HPSE2: variants seen among roughly 807,000 people sequenced by gnomAD.
HPSE2 encodes inactive heparanase-2.
HPSE2 carries 38 observed loss-of-function variants against 60.5 expected under a neutral mutation model. The ratio of observed to expected loss-of-function variants is 0.63; its 90% CI spans 0.48 to 0.82. The LOEUF is 0.82. HPSE2 is among the 40% of genes least tolerant of loss of function. The pLI is 0.00. For synonymous variants in HPSE2, 295 were observed against 293.2 expected (o/e 1.01, Z -0.06); for missense variants, 713 against 740.4 (o/e 0.96, Z 0.43).
intron 6 of HPSE2, among the ~76,000 whole-genome samples, chr10:98,682,673 T>A (rs569072521): frequency 9.8e-5 from 15 of 152,292 alleles, no homozygotes; most frequent in Admixed American, 8.5e-4. Context: ...TTCTACTGAA[T>A]GCATATCACT....
At chr10:99,251,206 T>G in the HPSE2 span, among the ~76,000 whole-genome samples, 1 of 152,174 alleles carries the variant, frequency 6.6e-6, no homozygotes, top group Admixed American at 6.5e-5. Context: ...CAGAGACTAT[T>G]ATGAATGCTT....
At chr10:98,477,752 C>G (rs1276558999) in intron 11 of HPSE2, among the ~76,000 whole-genome samples, 1 of 152,174 alleles carries the variant, frequency 6.6e-6, no homozygotes, top group East Asian at 1.9e-4. Context: ...TAGAGCAGGG[C>G]TCCCTAACCC....
chr10:99,112,415 GTGTTT>G (rs72389662), intron 3 of HPSE2, among the ~76,000 whole-genome samples: 78,774 of 135,430 alleles, frequency 0.58, 23,720 homozygotes, highest in South Asian at 0.74. Context: ...TTTTTTTGTT[GTGTTT>G]TGTTTTGTTT....
At chr10:99,125,173 C>T (rs1936182846) in intron 3 of HPSE2, among the ~76,000 whole-genome samples, 1 of 152,122 alleles carries the variant, frequency 6.6e-6, no homozygotes, top group African/African-American at 2.4e-5. Context: ...TCTCCTGATC[C>T]CTAATAAGGA....
intron 3 of HPSE2, among the ~76,000 whole-genome samples, chr10:99,045,004 A>G (rs1367194382): frequency 6.6e-6 from 1 of 152,110 alleles, no homozygotes; most frequent in Non-Finnish European, 1.5e-5. Context: ...GCAACACTTA[A>G]CCAATTAGAC....
intron 3 of HPSE2, among the ~76,000 whole-genome samples, chr10:98,915,884 T>C (rs1441158059): frequency 1.3e-5 from 2 of 152,224 alleles, no homozygotes; most frequent in Non-Finnish European, 2.9e-5. Flanking sequence ...GAGGAGAGTA[T>C]GGAAAGAGTG....
chr10:98,591,126 CA>C (rs5787292), intron 9 of HPSE2, among the ~76,000 whole-genome samples: 62,554 of 150,920 alleles, frequency 0.41, 12,991 homozygotes, highest in East Asian at 0.51. Flanking sequence ...AAATAGGGAT[CA>C]AAAAAAAAGA....
At chr10:98,906,567 A>T (rs1481533509) in intron 3 of HPSE2, among the ~76,000 whole-genome samples, 1 of 152,232 alleles carries the variant, frequency 6.6e-6, no homozygotes, top group Non-Finnish European at 1.5e-5. Context: ...AAAAACAGAC[A>T]GTAAAATTTA....
intron 3 of HPSE2, among the ~76,000 whole-genome samples, chr10:98,899,530 A>G (rs978328167): frequency 2.6e-5 from 4 of 152,210 alleles, no homozygotes; most frequent in Non-Finnish European, 5.9e-5. Flanking sequence ...TCACCAAAGG[A>G]ATATAGATGG....
chr10:99,314,416 G>A, the HPSE2 span, among the ~76,000 whole-genome samples: 4 of 152,144 alleles, frequency 2.6e-5, no homozygotes, highest in African/African-American at 9.7e-5. Context: ...TCCCACCTCA[G>A]CCTCCCAAAG....
rs1940207665 is a variant in HPSE2, at chr10:98,459,832, A to T, written c.1614-93T>A. On this transcript the variant is annotated intron_variant, in intron 11 of 11. Coordinates refer to ENST00000370552, the MANE Select transcript of HPSE2 (RefSeq NM_021828.5). ...GCCCCAGATGGCCTGGCAGTGTCTG[A>T]TACACACACACAGCTGACACTTATT... 5 of 1,146,542 alleles carry T rather than the reference A, an allele frequency of 4.4e-6. No homozygotes were observed. In the African/African-American group the frequency reaches 7.7e-5, roughly 18 times the overall value. 71.0% of individuals were successfully genotyped at this position (1,146,542 alleles called of 1,614,324 possible).
chr10:98,886,091 T>C (rs981229022), intron 3 of HPSE2, among the ~76,000 whole-genome samples: 3 of 152,132 alleles, frequency 2.0e-5, no homozygotes, highest in Non-Finnish European at 2.9e-5. Context: ...GAGGTATCAA[T>C]ATTAAGATAC....
chr10:99,089,472 G>T (rs1378045505), intron 3 of HPSE2, among the ~76,000 whole-genome samples: 1 of 152,070 alleles, frequency 6.6e-6, no homozygotes, highest in African/African-American at 2.4e-5. Context: ...TTGAAGATCA[G>T]TTGGCCGTTA....
intron 3 of HPSE2, among the ~76,000 whole-genome samples, chr10:98,862,969 C>G (rs576005954): frequency 1.3e-5 from 2 of 152,164 alleles, no homozygotes; most frequent in South Asian, 4.1e-4. Context: ...TTGTTATTTT[C>G]CCCAGGCTTG....
In HPSE2 at chr10:98,535,324, G is replaced by GT. The variant is rs1408708507; in HGVS notation, c.1321-45129dup. Reference sequence around the variant, plus strand: ...GGGGAGAGGCTACATATTTTTGTTTGTTTTTTTTTTAATTCTCTTCCTACC... The same window carrying GT: ...GGGGAGAGGCTACATATTTTTGTTTGTTTTTTTTTTTAATTCTCTTCCTACC... On this transcript the variant is annotated intron_variant, in intron 9 of 11. Coordinates refer to ENST00000370552, the MANE Select transcript of HPSE2 (RefSeq NM_021828.5). Among the ~76,000 whole-genome samples the GT allele has an allele frequency of 6.7e-3, 994 of 148,102 alleles. 10 individuals are homozygous for GT. Among genetic ancestry groups the GT allele is most frequent in the African/African-American group, 0.022 (889 of 40,562 alleles).
intron 3 of HPSE2, among the ~76,000 whole-genome samples, chr10:98,921,394 G>A (rs767664840): frequency 6.6e-6 from 1 of 152,144 alleles, no homozygotes; most frequent in Non-Finnish European, 1.5e-5. Context: ...AGCTATGTAC[G>A]TGGCCACACA....
At chr10:98,546,541 A>C (rs1484073741) in intron 9 of HPSE2, among the ~76,000 whole-genome samples, 10 of 151,804 alleles carry the variant, frequency 6.6e-5, no homozygotes, top group Admixed American at 2.0e-4. Context: ...CTGACAAAAA[A>C]AAGCAATGGG....
chr10:98,611,091 TG>T (rs141541978), intron 9 of HPSE2, among the ~76,000 whole-genome samples: 7,608 of 151,898 alleles, frequency 0.05, 646 homozygotes, highest in African/African-American at 0.17. Context: ...TTCCCAGTGT[TG>T]GGGGGGGCCA....
chr10:98,483,655 T>C (rs963104449), intron 10 of HPSE2, among the ~76,000 whole-genome samples: 8 of 152,204 alleles, frequency 5.3e-5, no homozygotes, highest in African/African-American at 1.9e-4. Flanking sequence ...TGAGTGGACA[T>C]GGCAAAAACC....
Sources: gnomAD v4.1 joint callset for allele counts (sites outside exome capture counted in the v4.1 genomes callset) on GRCh38, gnomAD v4.1.1 for gene constraint, MANE v1.5 for transcripts, NCBI Gene and HGNC (gene_info 2026-07-23, HGNC 2026-07-21) for gene names.